SYCP2L: variants seen among roughly 807,000 people sequenced by gnomAD.
The protein encoded by SYCP2L is synaptonemal complex protein 2-like.
SYCP2L carries 98 observed loss-of-function variants against 125.8 expected under a neutral mutation model. That is an observed-to-expected ratio of 0.78 (90% CI 0.66 to 0.92). SYCP2L has a LOEUF of 0.92. Among genes scored for constraint, SYCP2L ranks in the 40% least tolerant of loss-of-function variants. The pLI is 0.00. For synonymous variants in SYCP2L, 317 were observed against 325.4 expected (o/e 0.97, Z 0.28); for missense variants, 842 against 936.4 (o/e 0.90, Z 1.32).
Position 10,958,826 on chromosome 6 carries a change from A to C in SYCP2L, c.2206A>C (p.Lys736Gln). The change falls in exon 26 of 30, where the codon AAA becomes CAA. Residue 736 changes from lysine (K) to glutamine (Q), a missense_variant. Lys to Gln is a moderately conservative substitution (Grantham distance 53). Coordinates refer to ENST00000283141, the MANE Select transcript of SYCP2L (RefSeq NM_001040274.3). The stretch of plus-strand genomic sequence containing the variant: ...TCCGTTTAATTCAGAAAATGCAAAG[A>C]AAGCACCGGATTGCCTAATAAAACT... ...KRPFNSENAKKAPDCLIKLLN... is the reference protein window; with the variant it reads ...KRPFNSENAKQAPDCLIKLLN... 6.2e-7 allele frequency: 1 copy of C among 1,613,774 alleles called. No homozygotes were observed. The highest frequency in any genetic ancestry group is 8.5e-7 in the Non-Finnish European group (1 of 1,179,928).
At chr6:10,959,530 A>G (rs1199368716) in intron 26 of SYCP2L, among the ~76,000 whole-genome samples, 1 of 152,212 alleles carries the variant, frequency 6.6e-6, no homozygotes, top group Non-Finnish European at 1.5e-5. Flanking sequence ...ATACTTAAAA[A>G]TGGTTAAAAG....
In SYCP2L at chr6:10,887,134, C is replaced by T. The variant is rs1403425957; in HGVS notation, c.8C>T (p.Ala3Val). ...GAACGAAGAAGCCTCGTTATGCAAG[C>T]GGTGAGTGACCCCCGAAGGGCCCGG... MQ[A>V]KNKDALQPIK... The change falls in exon 1 of 30, where the codon GCG becomes GTG. Residue 3 changes from alanine to valine, a missense_variant and splice_region_variant. Transcript: ENST00000283141. 2 of 1,614,120 alleles carry T rather than the reference C, an allele frequency of 1.2e-6. No homozygotes were observed. The highest frequency in any genetic ancestry group is 8.5e-7 in the Non-Finnish European group (1 of 1,179,974).
At chr6:10,897,409 TC>T (rs1275939795) in intron 4 of SYCP2L, among the ~76,000 whole-genome samples, 5 of 91,074 alleles carry the variant, frequency 5.5e-5, no homozygotes, top group South Asian at 5.9e-4. Flanking sequence ...CTCACTTATC[TC>T]TTTTTTTTTT....
At chr6:10,916,520 C>A (rs1780698176) in intron 14 of SYCP2L, among the ~76,000 whole-genome samples, 1 of 152,166 alleles carries the variant, frequency 6.6e-6, no homozygotes, top group Non-Finnish European at 1.5e-5. Flanking sequence ...GGTTGTGTCA[C>A]TGTTGTCACT....
At position 10,907,658 on chromosome 6, in the gene SYCP2L, G is replaced by C. The variant is rs1250258638; in HGVS notation, c.793G>C (p.Glu265Gln). Residue 265 changes from glutamate to glutamine, a missense_variant, in exon 10 of 30, where the codon GAA becomes CAA. By Grantham distance (29) the Glu-to-Gln change is conservative. Transcript: ENST00000283141. ...TGAAGTCATTGCTGAAGCTTTCAAAGAAATTAAGGATCGAGAATTTGAGAC... is the reference window on the plus strand; with the variant it reads ...TGAAGTCATTGCTGAAGCTTTCAAACAAATTAAGGATCGAGAATTTGAGAC... Reference protein sequence around the residue: ...DDEVIAEAFKEIKDREFETDS... With the variant: ...DDEVIAEAFKQIKDREFETDS... 1 of 1,612,226 alleles carries C rather than the reference G, an allele frequency of 6.2e-7. No homozygotes were observed. The highest frequency in any genetic ancestry group is 8.5e-7 in the Non-Finnish European group (1 of 1,179,558).
intron 6 of SYCP2L, among the ~76,000 whole-genome samples, chr6:10,901,942 C>T (rs1780381972): frequency 6.6e-6 from 1 of 152,218 alleles, no homozygotes; most frequent in Non-Finnish European, 1.5e-5. Flanking sequence ...TTGTTGGTTG[C>T]AACCAGAACT....
rs1361241683 is a variant in SYCP2L, at chr6:10,907,624, G to A, written c.759G>A (p.Trp253Ter). Residue 253 changes from tryptophan to a stop codon, truncating the protein, a stop_gained, in exon 10 of 30, where the codon TGG (tryptophan) becomes TGA (stop). Transcript: ENST00000283141. LOFTEE classifies it high-confidence loss of function. ...KKSRDELVHK[W>*]FDDEVIAEAF... is the part of the protein sequence containing the mutation. ...CAAGGGATGAACTTGTCCATAAATG[G>A]TTTGATGATGAAGTCATTGCTGAAG... 9.3e-6 allele frequency: 15 copies of A among 1,613,996 alleles called. No individual in the cohort carries two copies. Among genetic ancestry groups the A allele is most frequent in the Non-Finnish European group, 1.2e-5 (14 of 1,179,960 alleles).
At position 10,928,462 on chromosome 6, in the gene SYCP2L, G is replaced by A; in HGVS notation, c.1488+12G>A. ...TCCCGCAACAACCTGTGAGTACAGG[G>A]AGTGGGGCTCAAGTTTCTTATCTGT... On this transcript the variant is annotated intron_variant, in intron 18 of 29. Coordinates refer to ENST00000283141, the MANE Select transcript of SYCP2L (RefSeq NM_001040274.3). 6.3e-7 allele frequency: 1 copy of A among 1,578,600 alleles called. No homozygotes were observed. Among genetic ancestry groups the A allele is most frequent in the African/African-American group, 1.4e-5 (1 of 73,166 alleles).
Position 10,912,638 on chromosome 6 carries a change from A to T in SYCP2L, c.919-35A>T, listed in dbSNP as rs774296288. The T allele has an allele frequency of 1.0e-5, 15 of 1,460,614 alleles. No individual in the cohort carries two copies. The highest frequency in any genetic ancestry group is 8.1e-5 in the South Asian group (7 of 85,950). 90.5% of individuals were successfully genotyped at this position (1,460,614 alleles called of 1,614,324 possible). ...TATCTGACCCTATAGCATGATTTTT[A>T]TGTGTATAAGTCATGCTGAAATGAT... On this transcript the variant is annotated intron_variant, in intron 12 of 29. Coordinates refer to ENST00000283141, the MANE Select transcript of SYCP2L (RefSeq NM_001040274.3). The surrounding 1 kb of genome is among the most constrained non-coding windows in gnomAD (Gnocchi z 4.1).
At chr6:10,944,796 CCT>C (rs1485912273) in intron 23 of SYCP2L, among the ~76,000 whole-genome samples, 1 of 152,056 alleles carries the variant, frequency 6.6e-6, no homozygotes, top group Admixed American at 6.6e-5. Flanking sequence ...CTCACTGCAA[CCT>C]CTGTCTCCCA....
At chr6:10,913,029 C>T in intron 14 of SYCP2L, 102 bp downstream of exon 14, 7 of 1,141,856 alleles carry the variant, frequency 6.1e-6, no homozygotes, top group East Asian at 2.5e-5. Flanking sequence ...TTTGACCATG[C>T]CTTGAGGTAG....
At chr6:10,970,643 T>C (rs1471973103) in intron 29 of SYCP2L, among the ~76,000 whole-genome samples, 1 of 151,846 alleles carries the variant, frequency 6.6e-6, no homozygotes, top group Admixed American at 6.6e-5. Context: ...GTGGAGGAGA[T>C]TGGGAAAGGT....
intron 29 of SYCP2L, among the ~76,000 whole-genome samples, chr6:10,973,022 G>A (rs937975541): frequency 2.0e-5 from 3 of 152,214 alleles, no homozygotes; most frequent in African/African-American, 7.2e-5. Context: ...AGGAAACAGG[G>A]GAGAATAGGT....
intron 23 of SYCP2L, among the ~76,000 whole-genome samples, chr6:10,952,319 C>T (rs979399999): frequency 5.3e-5 from 8 of 152,158 alleles, no homozygotes; most frequent in Admixed American, 2.0e-4. Flanking sequence ...ACTGCCACTT[C>T]GAAGAAGGTT....
chr6:10,940,088 C>G (rs890031859), intron 21 of SYCP2L, among the ~76,000 whole-genome samples: 4 of 95,176 alleles, frequency 4.2e-5, no homozygotes, highest in Non-Finnish European at 9.8e-5. Flanking sequence ...GGTATATGTA[C>G]TCAACATCAC....
chr6:10,902,249 C>T (rs1324742496), intron 6 of SYCP2L, among the ~76,000 whole-genome samples: 3 of 152,204 alleles, frequency 2.0e-5, no homozygotes, highest in African/African-American at 7.2e-5. Context: ...TTATCTGTCA[C>T]ATCTTTGTTT....
chr6:10,938,256 A>G (rs1020779021), intron 21 of SYCP2L, among the ~76,000 whole-genome samples: 22 of 152,342 alleles, frequency 1.4e-4, no homozygotes, highest in Admixed American at 1.2e-3. Flanking sequence ...AAGTTTCCAT[A>G]TATGCAAATC....
intron 11 of SYCP2L, 97 bp from the exon 12 acceptor site, chr6:10,910,727 T>G (rs1780592154): frequency 3.9e-6 from 5 of 1,279,734 alleles, no homozygotes; most frequent in Non-Finnish European, 5.7e-6. Context: ...GGAGACTTAA[T>G]GGCATACTCT....
intron 9 of SYCP2L, among the ~76,000 whole-genome samples, chr6:10,906,431 T>C (rs1182482877): frequency 1.3e-5 from 2 of 152,204 alleles, no homozygotes; most frequent in Non-Finnish European, 2.9e-5. Context: ...ACTCTGTACA[T>C]CCCTAAACAA....
Sources: allele counts gnomAD v4.1 joint callset (sites outside exome capture counted in the v4.1 genomes callset), GRCh38; gene constraint gnomAD v4.1.1; non-coding constraint Gnocchi (gnomAD v3.1); transcripts MANE v1.5; gene names NCBI Gene and HGNC (gene_info 2026-07-23, HGNC 2026-07-21).